The following WDHD1 variants were observed in gnomAD, a reference collection of about 807,000 sequenced individuals.
The protein encoded by WDHD1 is WD repeat and HMG-box DNA-binding protein 1.
A neutral mutation model predicts 135.4 loss-of-function variants in WDHD1; 111 were observed. The ratio of observed to expected loss-of-function variants is 0.82; its 90% CI spans 0.70 to 0.96. WDHD1 has a LOEUF of 0.96. Ranked by LOEUF, WDHD1 falls within the 40% of genes least tolerant of loss-of-function variation. The pLI, the probability that WDHD1 is intolerant of heterozygous loss-of-function variation, is 0.00. For synonymous variants in WDHD1, 434 were observed against 439.0 expected (o/e 0.99, Z 0.14); for missense variants, 1,351 against 1,336.3 (o/e 1.01, Z -0.17).
chr14:54,980,092 A>T (rs2041592438), intron 16 of WDHD1, among the ~76,000 whole-genome samples: 1 of 152,098 alleles, frequency 6.6e-6, no homozygotes, highest in Non-Finnish European at 1.5e-5. Context: ...TGGGAGGCCG[A>T]GGCGGGAAGA....
At chr14:54,955,009 G>A (rs554696767) in intron 24 of WDHD1, among the ~76,000 whole-genome samples, 3 of 152,266 alleles carry the variant, frequency 2.0e-5, no homozygotes, top group South Asian at 2.1e-4. Context: ...GATTATAGGC[G>A]TGAGCCACCA....
intron 9 of WDHD1, 32 bp downstream of exon 9, chr14:55,000,854 A>G (rs2041968779): frequency 3.5e-6 from 5 of 1,447,834 alleles, no homozygotes; most frequent in Non-Finnish European, 4.6e-6. Context: ...AGAGATGAGC[A>G]AAGAAGAGAC....
intron 24 of WDHD1, among the ~76,000 whole-genome samples, chr14:54,947,130 A>G (rs1216920307): frequency 6.6e-6 from 1 of 152,186 alleles, no homozygotes; most frequent in Non-Finnish European, 1.5e-5. Flanking sequence ...ACCTGAGGTC[A>G]GGAGTTCAAG....
rs368368535 is a variant in WDHD1 at position 54,941,560 on chromosome 14, G to A, written c.3320C>T (p.Ser1107Phe). Residue 1107 changes from serine to phenylalanine, a missense_variant, in exon 26 of 26, where the codon TCT (serine) becomes TTT (phenylalanine). Physicochemically the swap from Ser to Phe is radical, Grantham distance 155. Coordinates refer to ENST00000360586, the MANE Select transcript of WDHD1 (RefSeq NM_007086.4). ...AAAATCTAAAGGTTTCTGCTTTTTA[G>A]ACAAATTCAGGTTCTCTTTTGCTTT... is the stretch of plus-strand genomic sequence containing the variant. Reference protein sequence around the residue: ...EEKAKENLNLSKKQKPLDFST... With the variant: ...EEKAKENLNLFKKQKPLDFST... The A allele has an allele frequency of 3.6e-5, 58 of 1,613,704 alleles. 5 individuals carry two copies. The highest frequency in any genetic ancestry group is 3.5e-4 in the Admixed American group (21 of 59,968).
At chr14:54,952,866 A>C (rs1226076144) in intron 24 of WDHD1, among the ~76,000 whole-genome samples, 7 of 152,198 alleles carry the variant, frequency 4.6e-5, no homozygotes, top group Non-Finnish European at 1.0e-4. Context: ...CAAAAACAAG[A>C]AATGGGGAAA....
At chr14:54,997,868 G>A (rs1232522545) in intron 10 of WDHD1, among the ~76,000 whole-genome samples, 1 of 144,472 alleles carries the variant, frequency 6.9e-6, no homozygotes, top group Non-Finnish European at 1.5e-5. Flanking sequence ...CCGAGATCGC[G>A]CCATTGCACT....
intron 14 of WDHD1, among the ~76,000 whole-genome samples, chr14:54,985,856 G>A (rs190503712): frequency 2.0e-5 from 3 of 152,254 alleles, no homozygotes; most frequent in Admixed American, 6.5e-5. Context: ...GAGAAGAATC[G>A]AGGATAATTT....
At chr14:54,957,689 G>A in intron 21 of WDHD1, 54 bp from the exon 22 acceptor site, 1 of 1,435,452 alleles carries the variant, frequency 7.0e-7, no homozygotes, top group Non-Finnish European at 9.6e-7. Context: ...GATGACTTCT[G>A]ACATCTATAA....
At chr14:54,974,509 T>C (rs34914902) in intron 16 of WDHD1, among the ~76,000 whole-genome samples, 3 of 142,908 alleles carry the variant, frequency 2.1e-5, no homozygotes, top group African/African-American at 7.8e-5. Context: ...TTTTTTTTTG[T>C]TATATTAAAG....
chr14:54,956,463 C>A (rs1274808246), intron 23 of WDHD1, among the ~76,000 whole-genome samples: 1 of 151,870 alleles, frequency 6.6e-6, no homozygotes, highest in African/African-American at 2.4e-5. Context: ...CATGCTGAAA[C>A]CCCATCTCTA....
At chr14:55,003,839 T>C (rs940712616) in intron 7 of WDHD1, among the ~76,000 whole-genome samples, 4 of 152,268 alleles carry the variant, frequency 2.6e-5, no homozygotes, top group East Asian at 1.9e-4. Context: ...GCTGGGATTA[T>C]AGGCGTGAGC....
At chr14:54,991,620 T>C (rs774002059) in intron 11 of WDHD1, among the ~76,000 whole-genome samples, 3 of 152,218 alleles carry the variant, frequency 2.0e-5, no homozygotes, top group Non-Finnish European at 2.9e-5. Flanking sequence ...CACCTAACTG[T>C]ATTAGTCGTT....
chr14:55,012,849 T>G (rs540344539), intron 3 of WDHD1, among the ~76,000 whole-genome samples: 3 of 152,108 alleles, frequency 2.0e-5, no homozygotes, highest in Non-Finnish European at 4.4e-5. Flanking sequence ...TACTTCTCAG[T>G]AGACCCCACC....
chr14:55,004,714 A>AC, intron 7 of WDHD1: 1 of 354,524 alleles, frequency 2.8e-6, no homozygotes. Context: ...CAGCCTCCCA[A>AC]AGTGCTGGGA....
chr14:55,001,522 C>T (rs2041980388), intron 8 of WDHD1, among the ~76,000 whole-genome samples: 1 of 152,180 alleles, frequency 6.6e-6, no homozygotes, highest in African/African-American at 2.4e-5. Context: ...CTCAGCCTCT[C>T]AAAGTGCTGG....
chr14:54,999,585 T>C (rs1388571558), intron 10 of WDHD1, among the ~76,000 whole-genome samples: 1 of 152,160 alleles, frequency 6.6e-6, no homozygotes, highest in East Asian at 1.9e-4. Context: ...ATCCTTCTAT[T>C]TTCTAGCCTC....
chr14:54,953,947 G>C (rs2041107581), intron 24 of WDHD1, among the ~76,000 whole-genome samples: 1 of 152,036 alleles, frequency 6.6e-6, no homozygotes, highest in Admixed American at 6.6e-5. Context: ...ACAGGAAGGG[G>C]AACATCACAC....
At chr14:54,984,958 TA>T in intron 14 of WDHD1, 98 bp from the exon 15 acceptor site, 1 of 1,456,848 alleles carries the variant, frequency 6.9e-7, no homozygotes, top group South Asian at 1.3e-5. Context: ...GGTAAATTAC[TA>T]GACTGACTAG....
Position 54,966,506 on chromosome 14 carries a change from T to C in WDHD1, c.2279A>G (p.Glu760Gly). The C allele has an allele frequency of 6.2e-7, 1 of 1,604,754 alleles. No individual in the cohort carries two copies. Among genetic ancestry groups the C allele is most frequent in the Non-Finnish European group, 8.5e-7 (1 of 1,178,118 alleles). ...CATTTTCATTAAAAGTTCCTGTTGC[T>C]CTTTTGTTGCTTGATTTTTAGTGCT... is the stretch of plus-strand genomic sequence containing the variant. ...EESTKNQATKEQQELLMKMLA... is the reference protein window; with the variant it reads ...EESTKNQATKGQQELLMKMLA... Residue 760 changes from glutamate (E) to glycine (G), a missense_variant, in exon 18 of 26, where the codon GAG (glutamate) becomes GGG (glycine). Coordinates refer to ENST00000360586, the MANE Select transcript of WDHD1 (RefSeq NM_007086.4).
Sources: allele counts gnomAD v4.1 joint callset (sites outside exome capture counted in the v4.1 genomes callset), GRCh38; gene constraint gnomAD v4.1.1; transcripts MANE v1.5; gene names NCBI Gene and HGNC (gene_info 2026-07-23, HGNC 2026-07-21).